RBFOX1: variants seen among roughly 807,000 people sequenced by gnomAD.
The protein encoded by RBFOX1 is RNA binding protein fox-1 homolog 1.
A neutral mutation model predicts 57.7 loss-of-function variants in RBFOX1; 8 were observed. The ratio of observed to expected loss-of-function variants is 0.14; its 90% confidence interval spans 0.08 to 0.25. RBFOX1 has a LOEUF of 0.25. Among genes scored for constraint, RBFOX1 ranks in the 10% least tolerant of loss-of-function variants. The pLI, the probability that RBFOX1 is intolerant of heterozygous loss-of-function variation, is 1.00. For synonymous variants in RBFOX1, 326 were observed against 222.4 expected (o/e 1.47, Z -4.15); for missense variants, 611 against 548.5 (o/e 1.11, Z -1.14).
intron 3 of RBFOX1, among the ~76,000 whole-genome samples, chr16:5,645,857 A>C (rs1042671635): frequency 1.2e-4 from 18 of 152,132 alleles, no homozygotes; most frequent in African/African-American, 3.9e-4. Context: ...TTTCATAGAC[A>C]AAGGGTCTTG....
chr16:6,481,225 A>G (rs1010207851), intron 2 of RBFOX1, among the ~76,000 whole-genome samples: 1 of 152,132 alleles, frequency 6.6e-6, no homozygotes, highest in Non-Finnish European at 1.5e-5. Flanking sequence ...CAAGAAAACA[A>G]CCTTCTCTCT....
chr16:7,664,730 A>G, intron 12 of RBFOX1, 199 bp from the exon 13 acceptor site: 1 of 874,124 alleles, frequency 1.1e-6, no homozygotes, highest in Non-Finnish European at 1.7e-6. Context: ...ATTCTGGGCC[A>G]ACACCAAAGC....
At chr16:5,253,816 C>T (rs1418762229) in intron 1 of RBFOX1, among the ~76,000 whole-genome samples, 4 of 152,368 alleles carry the variant, frequency 2.6e-5, no homozygotes, top group African/African-American at 9.6e-5. Context: ...GGCCTTTGCA[C>T]ATCCTGCTCT....
chr16:6,655,816 C>A (rs1356695581), intron 3 of RBFOX1, among the ~76,000 whole-genome samples: 2 of 152,142 alleles, frequency 1.3e-5, no homozygotes, highest in East Asian at 1.9e-4. Context: ...GTTATTATTT[C>A]AAGCAGAGGT....
intron 3 of RBFOX1, among the ~76,000 whole-genome samples, chr16:6,867,016 TAA>T (rs34911904): frequency 0.59 from 83,347 of 140,756 alleles, 23,788 homozygotes; most frequent in East Asian, 0.77. Context: ...AGCTGTTCTT[TAA>T]AAAAAAAAAA....
chr16:7,597,578 C>A, intron 9 of RBFOX1, 147 bp downstream of exon 9: 1 of 621,196 alleles, frequency 1.6e-6, no homozygotes, highest in Non-Finnish European at 2.7e-6. Flanking sequence ...GAACCACCTA[C>A]ATCAATAAGA....
At chr16:6,840,668 C>T (rs1603631001) in intron 3 of RBFOX1, among the ~76,000 whole-genome samples, 1 of 151,928 alleles carries the variant, frequency 6.6e-6, no homozygotes, top group Non-Finnish European at 1.5e-5. Context: ...GCTGGTGGAT[C>T]ATGAGGTCAA....
At chr16:5,866,679 C>G (rs1405377835) in intron 3 of RBFOX1, among the ~76,000 whole-genome samples, 1 of 152,174 alleles carries the variant, frequency 6.6e-6, no homozygotes, top group Non-Finnish European at 1.5e-5. Flanking sequence ...ATTTCTTATG[C>G]TTAATAACAT....
At chr16:6,658,468 A>C (rs975707339) in intron 3 of RBFOX1, among the ~76,000 whole-genome samples, 3 of 151,942 alleles carry the variant, frequency 2.0e-5, no homozygotes, top group African/African-American at 7.3e-5. Context: ...CAGCCTCCCA[A>C]AGTGCTGGGA....
At chr16:6,088,526 T>C (rs1039172182) in intron 1 of RBFOX1, among the ~76,000 whole-genome samples, 2 of 120,828 alleles carry the variant, frequency 1.7e-5, no homozygotes, top group Non-Finnish European at 3.4e-5. Flanking sequence ...TTCCCTTTCC[T>C]TTTCTCCTTC....
chr16:6,938,699 C>G (rs6500883), intron 3 of RBFOX1, among the ~76,000 whole-genome samples: 14,290 of 152,106 alleles, frequency 0.094, 2,210 homozygotes, highest in African/African-American at 0.33. Flanking sequence ...GTTGGCCAGG[C>G]TGGTCTCGAA....
rs200917305 is a variant in RBFOX1, at chr16:5,401,793, T to TCCTCCTCCTCCTCCTC, written c.220-65422_220-65421insCTCCTCCTCCTCCTCC. Among the ~76,000 whole-genome samples the TCCTCCTCCTCCTCCTC allele has an allele frequency of 2.8e-3, 422 of 149,024 alleles. 9 individuals carry two copies. Among genetic ancestry groups the TCCTCCTCCTCCTCCTC allele is most frequent in the East Asian group, 0.02 (96 of 4,798 alleles). On this transcript the variant is annotated intron_variant, in intron 1 of 2. Transcript: ENST00000585867. Reference sequence around the variant, plus strand: ...CTCCTCCTCCTCCTCCTCCTCCTCCTCTTTCTCCTCCTCCTTCTCCTTCTC... The same window carrying TCCTCCTCCTCCTCCTC: ...CTCCTCCTCCTCCTCCTCCTCCTCCTCCTCCTCCTCCTCCTCCTTTCTCCTCCTCCTTCTCCTTCTC...
intron 3 of RBFOX1, among the ~76,000 whole-genome samples, chr16:6,757,996 A>G (rs560069250): frequency 6.6e-6 from 1 of 152,256 alleles, no homozygotes; most frequent in East Asian, 1.9e-4. Context: ...AATGCGGCAG[A>G]CCCTGTCCTC....
intron 1 of RBFOX1, among the ~76,000 whole-genome samples, chr16:6,103,048 G>A (rs1442849986): frequency 1.3e-5 from 2 of 152,134 alleles, no homozygotes; most frequent in East Asian, 1.9e-4. Context: ...GACAATTAAG[G>A]GATTTAAAAT....
At chr16:5,763,547 T>C (rs553568692) in intron 3 of RBFOX1, among the ~76,000 whole-genome samples, 22 of 152,352 alleles carry the variant, frequency 1.4e-4, no homozygotes, top group Admixed American at 1.2e-3. Flanking sequence ...TTTCACCGAG[T>C]AAATTGCTGC....
intron 4 of RBFOX1, among the ~76,000 whole-genome samples, chr16:7,121,203 A>G (rs528988155): frequency 6.6e-6 from 1 of 152,222 alleles, no homozygotes; most frequent in South Asian, 2.1e-4. Context: ...TAGAGCAGGA[A>G]CAAGGGAGGA....
At chr16:6,502,228 T>C (rs546115422) in intron 2 of RBFOX1, among the ~76,000 whole-genome samples, 1 of 152,310 alleles carries the variant, frequency 6.6e-6, no homozygotes, top group East Asian at 1.9e-4. Context: ...CAGATCCATC[T>C]GTAGGGATCT....
intron 3 of RBFOX1, among the ~76,000 whole-genome samples, chr16:5,712,642 A>G (rs939616594): frequency 7.2e-5 from 11 of 152,138 alleles, no homozygotes. Flanking sequence ...AGTTTAGGAA[A>G]TGGAAGTCCA....
chr16:7,282,874 C>G lies in RBFOX1; in HGVS notation c.27+230776C>G, dbSNP rs573442911. On this transcript the variant is annotated intron_variant, in intron 4 of 15. Coordinates refer to ENST00000550418, the MANE Select transcript of RBFOX1 (RefSeq NM_018723.4). Reference sequence around the variant, plus strand: ...GAGTTACTTCACTTAGAATAATAGTCTCCAATCGCATCCAGGTTGCTGCAA... The same window carrying G: ...GAGTTACTTCACTTAGAATAATAGTGTCCAATCGCATCCAGGTTGCTGCAA... Among the ~76,000 whole-genome samples, 64 of 152,298 alleles carry G rather than the reference C, an allele frequency of 4.2e-4. 1 individual carries two copies. The highest frequency in any genetic ancestry group is 1.5e-3 in the African/African-American group (63 of 41,574).
Sources: allele counts gnomAD v4.1 joint callset (sites outside exome capture counted in the v4.1 genomes callset), GRCh38; gene constraint gnomAD v4.1.1; transcripts MANE v1.5; gene names NCBI Gene and HGNC (gene_info 2026-07-23, HGNC 2026-07-21).